Variants in DNAH11 observed in about 807,000 individuals in gnomAD.
DNAH11 encodes the protein dynein axonemal heavy chain 11.
In DNAH11, 442 loss-of-function variants were observed where a neutral mutation model predicts 526.0. That is an observed-to-expected ratio of 0.84 (90% confidence interval 0.78 to 0.91). The LOEUF (loss-of-function observed/expected upper bound fraction) is 0.91. Among genes scored for constraint, DNAH11 ranks in the 40% least tolerant of loss-of-function variants. The pLI, the probability that DNAH11 is intolerant of heterozygous loss-of-function variation, is 0.00. For missense variants in DNAH11, 6,989 were observed against 5,448.7 expected (o/e 1.28, Z -8.90); for synonymous variants, 2,461 against 1,935.9 (o/e 1.27, Z -7.12).
chr7:21,717,075 A>T (rs923760079), intron 42 of DNAH11, among the ~76,000 whole-genome samples: 5 of 152,130 alleles, frequency 3.3e-5, no homozygotes, highest in Admixed American at 2.0e-4. Flanking sequence ...TTAACATCAT[A>T]CATTTTTGCC....
At chr7:21,790,217 C>T (rs1176347320) in intron 61 of DNAH11, among the ~76,000 whole-genome samples, 3 of 152,036 alleles carry the variant, frequency 2.0e-5, no homozygotes, top group African/African-American at 4.8e-5. Flanking sequence ...GAGGCCAAGG[C>T]GGGCAGATCA....
At chr7:21,882,453 G>A (rs1310749360) in intron 75 of DNAH11, among the ~76,000 whole-genome samples, 1 of 152,134 alleles carries the variant, frequency 6.6e-6, no homozygotes, top group East Asian at 1.9e-4. Flanking sequence ...GAAAGTATAT[G>A]TAAAAAACAA....
chr7:21,860,187 A>G (rs1335553697), intron 68 of DNAH11, among the ~76,000 whole-genome samples: 1 of 152,176 alleles, frequency 6.6e-6, no homozygotes, highest in African/African-American at 2.4e-5. Context: ...AAAAAAGGCA[A>G]CAAACATATG....
chr7:21,604,387 A>G (rs1393606231), intron 18 of DNAH11, among the ~76,000 whole-genome samples: 1 of 151,876 alleles, frequency 6.6e-6, no homozygotes, highest in Non-Finnish European at 1.5e-5. Context: ...CCCACAATAT[A>G]CTCTGAAACA....
At chr7:21,843,140 A>G (rs1782279266) in intron 66 of DNAH11, among the ~76,000 whole-genome samples, 1 of 152,254 alleles carries the variant, frequency 6.6e-6, no homozygotes, top group Non-Finnish European at 1.5e-5. Context: ...TGTGACTAGT[A>G]TTCAAAGGGA....
At chr7:21,619,317 G>A (rs114067779) in intron 24 of DNAH11, 95 bp downstream of exon 24, 43 of 1,428,178 alleles carry the variant, frequency 3.0e-5, no homozygotes, top group Non-Finnish European at 3.9e-5. Context: ...TGTCCTGGGA[G>A]CCTGGAGAGA....
chr7:21,784,962 G>A (rs1788109940), intron 58 of DNAH11, among the ~76,000 whole-genome samples: 1 of 152,202 alleles, frequency 6.6e-6, no homozygotes, highest in South Asian at 2.1e-4. Flanking sequence ...AACAATGGGA[G>A]CAAAGATACC....
At chr7:21,552,859 G>A (rs1783072350) in intron 2 of DNAH11, among the ~76,000 whole-genome samples, 1 of 152,122 alleles carries the variant, frequency 6.6e-6, no homozygotes, top group Admixed American at 6.5e-5. Flanking sequence ...TCTTACTGAG[G>A]AGGGTGTAGG....
At chr7:21,734,549 A>G (rs916882523) in intron 45 of DNAH11, among the ~76,000 whole-genome samples, 2 of 152,254 alleles carry the variant, frequency 1.3e-5, no homozygotes, top group African/African-American at 4.8e-5. Flanking sequence ...AAGATGATCT[A>G]GAATTGTGTA....
Position 21,884,306 on chromosome 7 carries a change from C to A in DNAH11, c.12403C>A (p.Leu4135Ile), listed in dbSNP as rs968812504. ...EANSKVPWED[L>I]RYLFGEIMYG... The stretch of plus-strand genomic sequence containing the variant: ...TTCTCCACAGGTCCCATGGGAAGAT[C>A]TCCGTTATCTCTTTGGTGAGATCAT... Residue 4135 changes from leucine to isoleucine, a missense_variant, in exon 76 of 82, where the codon CTC becomes ATC. By Grantham distance (5) the Leu-to-Ile change is conservative. Coordinates refer to ENST00000409508, the MANE Select transcript of DNAH11 (RefSeq NM_001277115.2). 1.2e-6 allele frequency: 2 copies of A among 1,607,854 alleles called. No homozygotes were observed. The highest frequency in any genetic ancestry group is 1.7e-6 in the Non-Finnish European group (2 of 1,177,416).
chr7:21,549,540 G>T (rs1331517753), intron 2 of DNAH11, among the ~76,000 whole-genome samples: 2 of 152,064 alleles, frequency 1.3e-5, no homozygotes, highest in Non-Finnish European at 2.9e-5. Flanking sequence ...ATTGCCCTAG[G>T]GGGGTTTTTC....
intron 42 of DNAH11, among the ~76,000 whole-genome samples, chr7:21,715,555 T>C (rs1162183704): frequency 6.6e-6 from 1 of 152,186 alleles, no homozygotes; most frequent in Non-Finnish European, 1.5e-5. Flanking sequence ...TTCAATTGTA[T>C]GTAATATAAT....
intron 2 of DNAH11, among the ~76,000 whole-genome samples, chr7:21,554,327 C>A (rs962698690): frequency 1.3e-5 from 2 of 152,088 alleles, no homozygotes; most frequent in South Asian, 4.1e-4. Flanking sequence ...GTGCGTACCA[C>A]CATGCCCAGC....
Position 21,779,098 on chromosome 7 carries a change from G to A in DNAH11, c.9477G>A (p.Glu3159=), listed in dbSNP as rs1230182436. Residue 3159 remains glutamate (E), a synonymous_variant, in exon 57 of 82, where the codon GAG becomes GAA. Transcript: ENST00000409508. Reference sequence around the variant, plus strand: ...AAAAGACCATCGCTGATGCTGAGGAGCGAAAGGTCAGGCTAATTCCAACAT... The same window carrying A: ...AAAAGACCATCGCTGATGCTGAGGAACGAAAGGTCAGGCTAATTCCAACAT... ...SREKTIADAE[E]RKVTAIQTEV... is the part of the protein sequence containing the mutation. 3 of 1,612,094 alleles carry A rather than the reference G, an allele frequency of 1.9e-6. No individual in the cohort carries two copies. Among genetic ancestry groups the A allele is most frequent in the Non-Finnish European group, 2.5e-6 (3 of 1,178,666 alleles).
intron 36 of DNAH11, among the ~76,000 whole-genome samples, chr7:21,698,442 G>A (rs1783939982): frequency 6.6e-6 from 1 of 152,112 alleles, no homozygotes; most frequent in South Asian, 2.1e-4. Context: ...ACAGTACCCA[G>A]TGTGTAGTCT....
At chr7:21,601,284 TAA>T in intron 17 of DNAH11, 105 bp downstream of exon 17, 2 of 1,444,172 alleles carry the variant, frequency 1.4e-6, no homozygotes, top group Non-Finnish European at 1.9e-6. Flanking sequence ...ATGATAGAGA[TAA>T]ATGTTTAATC....
chr7:21,676,421 C>A (rs541393271), intron 30 of DNAH11, among the ~76,000 whole-genome samples: 5 of 152,102 alleles, frequency 3.3e-5, no homozygotes, highest in African/African-American at 1.2e-4. Context: ...CAGTACTGAC[C>A]ATAATGATTG....
At chr7:21,588,481 T>C in intron 10 of DNAH11, 31 bp from the exon 11 acceptor site, 1 of 1,611,556 alleles carries the variant, frequency 6.2e-7, no homozygotes, top group Non-Finnish European at 8.5e-7. Context: ...ATGTTCCCTT[T>C]CTTCCTCTTC....
chr7:21,624,048 G>A (rs1786212792), intron 25 of DNAH11, among the ~76,000 whole-genome samples: 1 of 151,844 alleles, frequency 6.6e-6, no homozygotes, highest in South Asian at 2.1e-4. Context: ...TGAGGGCAGA[G>A]CCCTCATGGT....
Sources: gnomAD v4.1 joint callset for allele counts (sites outside exome capture counted in the v4.1 genomes callset) on GRCh38, gnomAD v4.1.1 for gene constraint, MANE v1.5 for transcripts, NCBI Gene and HGNC (gene_info 2026-07-23, HGNC 2026-07-21) for gene names.